Variants in RARB observed in about 807,000 individuals in gnomAD.
RARB encodes retinoic acid receptor beta, also known as HBV-activated protein.
Under a neutral mutation model 51.9 loss-of-function variants are expected in RARB, and 17 were observed. The ratio of observed to expected loss-of-function variants is 0.33; its 90% confidence interval spans 0.22 to 0.49. RARB has a LOEUF of 0.49. Ranked by LOEUF, RARB falls within the 20% of genes least tolerant of loss-of-function variation. The pLI is 0.99. For missense variants in RARB, 369 were observed against 550.8 expected, an observed-to-expected ratio of 0.67 and a Z score of 3.30; for synonymous variants, 215 against 195.4, an observed-to-expected ratio of 1.10 and a Z score of -0.84.
intron 2 of RARB, among the ~76,000 whole-genome samples, chr3:24,871,055 A>C (rs1054086690): frequency 3.3e-5 from 5 of 151,742 alleles, no homozygotes; most frequent in African/African-American, 1.2e-4. Context: ...CTCTATCTTT[A>C]TGAGTTCAGT....
At chr3:24,854,402 G>A (rs1384302430) in intron 1 of RARB, among the ~76,000 whole-genome samples, 2 of 152,194 alleles carry the variant, frequency 1.3e-5, no homozygotes, top group African/African-American at 4.8e-5. Context: ...TGACTATACT[G>A]TACCACATTC....
chr3:25,513,292 A>T (rs1697993737), intron 3 of RARB, among the ~76,000 whole-genome samples: 1 of 152,094 alleles, frequency 6.6e-6, no homozygotes, highest in South Asian at 2.1e-4. Context: ...ATCTCAAAGA[A>T]GAAAGAAAGA....
At chr3:25,468,870 A>G (rs1695562497) in intron 2 of RARB, among the ~76,000 whole-genome samples, 1 of 152,174 alleles carries the variant, frequency 6.6e-6, no homozygotes, top group Non-Finnish European at 1.5e-5. Context: ...TGATGGGTGG[A>G]AACTTCCTAT....
At chr3:25,573,642 C>A (rs1700801697) in intron 4 of RARB, among the ~76,000 whole-genome samples, 1 of 152,184 alleles carries the variant, frequency 6.6e-6, no homozygotes, top group Admixed American at 6.5e-5. Context: ...TAACAGCAGC[C>A]ATAACACATT....
chr3:25,183,103 C>G (rs1700896469), intron 5 of RARB, among the ~76,000 whole-genome samples: 1 of 152,118 alleles, frequency 6.6e-6, no homozygotes, highest in Non-Finnish European at 1.5e-5. Context: ...GATACAGGGA[C>G]CATAACTTCT....
At chr3:24,929,601 A>G (rs1258477632) in intron 2 of RARB, among the ~76,000 whole-genome samples, 1 of 152,112 alleles carries the variant, frequency 6.6e-6, no homozygotes, top group Non-Finnish European at 1.5e-5. Flanking sequence ...GTAATTATAA[A>G]CACCATGCTA....
At chr3:25,082,377 ATTTT>A (rs1345248734) in intron 3 of RARB, among the ~76,000 whole-genome samples, 4 of 150,060 alleles carry the variant, frequency 2.7e-5, no homozygotes, top group African/African-American at 9.8e-5. Flanking sequence ...CTTTTTTCTG[ATTTT>A]TGTTTGTTTT....
chr3:25,315,767 C>T lies in RARB; in HGVS notation c.178+141192C>T, dbSNP rs145048595. ...TAGCTGGAATTACAGGCATGCACCA[C>T]CACACTCAGCTAATTTTTTTTTTTT... is the stretch of plus-strand genomic sequence containing the variant. On this transcript the variant is annotated intron_variant, in intron 5 of 11. Coordinates refer to the RARB transcript ENST00000383772. Among the ~76,000 whole-genome samples the T allele has an allele frequency of 2.3e-3, 343 of 148,550 alleles. 2 individuals are homozygous for T. Among genetic ancestry groups the T allele is most frequent in the African/African-American group, 8.3e-3 (329 of 39,600 alleles).
chr3:25,140,371 C>G (rs962392956), intron 4 of RARB, among the ~76,000 whole-genome samples: 5 of 152,120 alleles, frequency 3.3e-5, no homozygotes, highest in Non-Finnish European at 5.9e-5. Flanking sequence ...TTCCAGCCCT[C>G]ATGGATGAGT....
At chr3:25,389,279 GCTT>G (rs1358726626) in intron 5 of RARB, among the ~76,000 whole-genome samples, 5 of 152,102 alleles carry the variant, frequency 3.3e-5, no homozygotes, top group African/African-American at 9.7e-5. Flanking sequence ...TTATTCTGCT[GCTT>G]CTTTAGTGAT....
chr3:25,130,522 C>G (rs1171738152), intron 3 of RARB, among the ~76,000 whole-genome samples: 1 of 151,678 alleles, frequency 6.6e-6, no homozygotes, highest in Admixed American at 6.6e-5. Context: ...AATGGACCAC[C>G]TTGTATTTAC....
chr3:24,930,107 G>A (rs1460301405), intron 2 of RARB, among the ~76,000 whole-genome samples: 4 of 151,850 alleles, frequency 2.6e-5, no homozygotes, highest in Non-Finnish European at 5.9e-5. Flanking sequence ...TTTTTTTATT[G>A]GTCATACTGC....
intron 5 of RARB, among the ~76,000 whole-genome samples, chr3:25,309,329 C>T (rs1315141882): frequency 8.1e-5 from 12 of 149,000 alleles, no homozygotes; most frequent in Admixed American, 1.3e-4. Flanking sequence ...TTAGCAGAGA[C>T]GGGGTTTCAC....
At chr3:25,189,257 C>G (rs1206999857) in intron 5 of RARB, among the ~76,000 whole-genome samples, 2 of 152,150 alleles carry the variant, frequency 1.3e-5, no homozygotes, top group Admixed American at 6.5e-5. Context: ...GTACATCGCT[C>G]TCTGACAGTC....
intron 3 of RARB, among the ~76,000 whole-genome samples, chr3:25,118,818 T>C (rs939770438): frequency 6.6e-6 from 1 of 152,128 alleles, no homozygotes; most frequent in African/African-American, 2.4e-5. Context: ...TCCATTATAA[T>C]ACAGACAAAT....
chr3:24,922,604 G>A (rs928044326), intron 2 of RARB, among the ~76,000 whole-genome samples: 2 of 152,116 alleles, frequency 1.3e-5, no homozygotes, highest in African/African-American at 4.8e-5. Flanking sequence ...AATGTGCCTC[G>A]AAATCTATGC....
At chr3:25,520,483 A>G (rs1283389781) in intron 3 of RARB, among the ~76,000 whole-genome samples, 1 of 152,212 alleles carries the variant, frequency 6.6e-6, no homozygotes, top group Non-Finnish European at 1.5e-5. Context: ...CCTAATACAA[A>G]TGCAACTAAC....
intron 2 of RARB, among the ~76,000 whole-genome samples, chr3:25,020,692 G>A (rs912602846): frequency 1.3e-5 from 2 of 152,034 alleles, no homozygotes; most frequent in African/African-American, 4.8e-5. Context: ...AAGTAATAGA[G>A]CAGTGCTTAT....
At chr3:25,241,590 T>C (rs564754830) in intron 5 of RARB, among the ~76,000 whole-genome samples, 1 of 152,324 alleles carries the variant, frequency 6.6e-6, no homozygotes, top group East Asian at 1.9e-4. Context: ...TCAGTGTTAG[T>C]TTGCTGAGAA....
Sources: allele counts gnomAD v4.1 joint callset (sites outside exome capture counted in the v4.1 genomes callset), GRCh38; gene constraint gnomAD v4.1.1; transcripts MANE v1.5; gene names NCBI Gene and HGNC (gene_info 2026-07-23, HGNC 2026-07-21).